The following UBA3 variants were observed in gnomAD, a reference collection of about 807,000 sequenced individuals.
UBA3 encodes NEDD8-activating enzyme E1 catalytic subunit.
UBA3 carries 26 observed loss-of-function variants against 73.5 expected under a neutral mutation model. The observed-to-expected ratio is 0.35, with a 90% CI of 0.26 to 0.49. UBA3 has a LOEUF of 0.49. Among genes scored for constraint, UBA3 ranks in the 20% least tolerant of loss-of-function variants. The probability of loss-of-function intolerance (pLI) is 0.98; values close to 1 mark genes in which losing one functional copy is unlikely to be tolerated. For missense variants in UBA3, 495 were observed against 555.6 expected (o/e 0.89, Z 1.10); for synonymous variants, 217 against 191.2 (o/e 1.13, Z -1.11).
At chr3:69,067,529 T>A (rs970777680) in intron 6 of UBA3, among the ~76,000 whole-genome samples, 5 of 152,216 alleles carry the variant, frequency 3.3e-5, no homozygotes, top group Non-Finnish European at 5.9e-5. Context: ...TTTACTGTGA[T>A]GTACCTTCCA....
chr3:69,073,443 T>C (rs1223120169), intron 4 of UBA3, among the ~76,000 whole-genome samples: 1 of 152,198 alleles, frequency 6.6e-6, no homozygotes, highest in Non-Finnish European at 1.5e-5. Flanking sequence ...CAATAGCACC[T>C]TTTTGTAAAC....
At chr3:69,078,178 T>C (rs900824733) in intron 2 of UBA3, among the ~76,000 whole-genome samples, 2 of 152,244 alleles carry the variant, frequency 1.3e-5, no homozygotes, top group African/African-American at 4.8e-5. Context: ...TTTGGTTTCC[T>C]AAAGCAATCC....
intron 3 of UBA3, among the ~76,000 whole-genome samples, chr3:69,076,950 C>T (rs1183304773): frequency 6.6e-6 from 1 of 151,416 alleles, no homozygotes; most frequent in African/African-American, 2.4e-5. Flanking sequence ...AACACGAAAA[C>T]ATATAAAACT....
intron 11 of UBA3, among the ~76,000 whole-genome samples, chr3:69,057,977 G>A (rs1243551026): frequency 6.9e-6 from 1 of 144,970 alleles, no homozygotes; most frequent in Non-Finnish European, 1.5e-5. Flanking sequence ...CCAGGCTGGA[G>A]TGCAGTGTCG....
intron 11 of UBA3, among the ~76,000 whole-genome samples, chr3:69,059,115 T>C (rs748702429): frequency 6.6e-6 from 1 of 152,208 alleles, no homozygotes; most frequent in African/African-American, 2.4e-5. Flanking sequence ...TTCATTTTGA[T>C]AGGGGAGATA....
intron 3 of UBA3, 75 bp downstream of exon 3, chr3:69,077,723 T>A: frequency 7.1e-7 from 1 of 1,417,248 alleles, no homozygotes; most frequent in Non-Finnish European, 9.4e-7. Flanking sequence ...TAAGAGCAAA[T>A]TAAAAAAGAA....
rs772897939 is a variant in UBA3 at position 69,062,057 on chromosome 3, TATTAA to T, written c.796+15_796+19del. 7.9e-6 allele frequency: 12 copies of T among 1,521,884 alleles called. No homozygotes were observed. The highest frequency in any genetic ancestry group is 5.6e-5 in the Admixed American group (3 of 53,574). 94.3% of individuals were successfully genotyped at this position (1,521,884 alleles called of 1,614,324 possible). ...ATATGTATTTTATGTAATTCTAGAT[TATTAA>T]ATTAGGTTTATTACCTCCAAAAGGC... On this transcript the variant is annotated intron_variant, in intron 10 of 17. Transcript: ENST00000361055.
At chr3:69,062,516 C>G (rs2092030295) in intron 9 of UBA3, among the ~76,000 whole-genome samples, 1 of 152,104 alleles carries the variant, frequency 6.6e-6, no homozygotes, top group Non-Finnish European at 1.5e-5. Context: ...AAAACAAAAG[C>G]AAGTTCAGAG....
At chr3:69,058,529 T>C (rs1383366249) in intron 11 of UBA3, among the ~76,000 whole-genome samples, 1 of 152,204 alleles carries the variant, frequency 6.6e-6, no homozygotes, top group African/African-American at 2.4e-5. Flanking sequence ...TGATTCTCTA[T>C]AGTTTTGGAG....
intron 6 of UBA3, among the ~76,000 whole-genome samples, chr3:69,067,680 AAGT>A (rs1190982266): frequency 1.3e-5 from 2 of 152,182 alleles, no homozygotes; most frequent in Non-Finnish European, 2.9e-5. Flanking sequence ...ATGCAAAATA[AAGT>A]AGATGATGAA....
intron 14 of UBA3, 30 bp downstream of exon 14, chr3:69,056,582 G>A (rs764844158): frequency 1.9e-6 from 3 of 1,541,800 alleles, no homozygotes; most frequent in South Asian, 1.2e-5. Flanking sequence ...AAATATGCAT[G>A]ATCAAAAATG....
intron 6 of UBA3, among the ~76,000 whole-genome samples, chr3:69,067,700 T>C (rs1268590821): frequency 6.6e-6 from 1 of 152,120 alleles, no homozygotes; most frequent in Non-Finnish European, 1.5e-5. Context: ...TGAAACAGGC[T>C]TTATAAACTT....
intron 12 of UBA3, 70 bp downstream of exon 12, chr3:69,057,186 A>T: frequency 6.7e-7 from 1 of 1,495,160 alleles, no homozygotes; most frequent in South Asian, 1.2e-5. Flanking sequence ...CCTACAACAC[A>T]AAAAAGCTGC....
chr3:69,056,856 A>C, intron 12 of UBA3, 41 bp from the exon 13 acceptor site: 1 of 1,587,800 alleles, frequency 6.3e-7, no homozygotes, highest in Non-Finnish European at 8.5e-7. Flanking sequence ...ACTCAATGGA[A>C]ATTAGGCATG....
At chr3:69,062,947 T>C in intron 9 of UBA3, 35 bp downstream of exon 9, 1 of 1,610,376 alleles carries the variant, frequency 6.2e-7, no homozygotes, top group Non-Finnish European at 8.5e-7. Context: ...CATGCCAAGA[T>C]ACTATAAAAG....
At chr3:69,057,354 A>T (rs1213748376) in intron 11 of UBA3, 45 bp from the exon 12 acceptor site, 2 of 1,536,820 alleles carry the variant, frequency 1.3e-6, no homozygotes, top group African/African-American at 2.8e-5. Flanking sequence ...CTTTAAAATA[A>T]AAGAGTTCTC....
intron 5 of UBA3, 57 bp from the exon 6 acceptor site, chr3:69,068,065 A>C: frequency 3.5e-6 from 4 of 1,128,922 alleles, no homozygotes; most frequent in Non-Finnish European, 4.9e-6. Context: ...GATCTACATA[A>C]CTTATTTTCA....
chr3:69,056,281 T>G lies in UBA3; in HGVS notation c.1086A>C (p.Glu362Asp), dbSNP rs1575827620. The G allele has an allele frequency of 6.3e-7, 1 of 1,594,580 alleles. No homozygotes were observed. The highest frequency in any genetic ancestry group is 1.8e-5 in the Admixed American group (1 of 54,942). Residue 362 changes from glutamate (E) to aspartate (D), a missense_variant and splice_region_variant, in exon 15 of 18, where the codon GAA (glutamate) becomes GAC (aspartate). Glu to Asp is a conservative substitution (Grantham distance 45). Coordinates refer to ENST00000361055, the MANE Select transcript of UBA3 (RefSeq NM_003968.4). ...YTYTFEAERKENCPACSQLPQ... is the reference protein window; with the variant it reads ...YTYTFEAERKDNCPACSQLPQ... The stretch of plus-strand genomic sequence containing the variant: ...GAAGCTGGCTACAAGCTGGGCAGTT[T>G]TCCTACACACATAATACACAACAAA...
At chr3:69,058,132 G>A (rs558845182) in intron 11 of UBA3, among the ~76,000 whole-genome samples, 59 of 152,026 alleles carry the variant, frequency 3.9e-4, no homozygotes, top group Middle Eastern at 3.4e-3. Flanking sequence ...GGGTTTCACC[G>A]TGTTAGCCAC....
Sources: allele counts gnomAD v4.1 joint callset (sites outside exome capture counted in the v4.1 genomes callset), GRCh38; gene constraint gnomAD v4.1.1; transcripts MANE v1.5; gene names NCBI Gene and HGNC (gene_info 2026-07-23, HGNC 2026-07-21).